RIF1: variants seen among roughly 807,000 people sequenced by gnomAD.
RIF1 encodes replication timing regulatory factor 1, also known as telomere-associated protein RIF1.
In RIF1, 45 loss-of-function variants were observed where a neutral mutation model predicts 247.1. The observed-to-expected ratio is 0.18, with a 90% CI of 0.14 to 0.23. RIF1 has a LOEUF of 0.23. RIF1 is among the 10% of genes least tolerant of loss of function. The pLI is 1.00. For synonymous variants in RIF1, 1,087 were observed against 978.8 expected (o/e 1.11, Z -2.06); for missense variants, 2,967 against 2,862.5 (o/e 1.04, Z -0.83).
the RIF1 span, among the ~76,000 whole-genome samples, chr2:151,515,542 G>C: frequency 2.6e-5 from 4 of 152,070 alleles, no homozygotes; most frequent in African/African-American, 9.7e-5. Flanking sequence ...TCACTGAATA[G>C]CTTAGGTGGG....
At chr2:151,510,607 T>C (rs1227807319), downstream of RIF1, among the ~76,000 whole-genome samples, 1 of 152,246 alleles carries the variant, frequency 6.6e-6, no homozygotes, top group Non-Finnish European at 1.5e-5. Context: ...ACCACATTCA[T>C]GTAACTATAT....
In RIF1 at chr2:151,458,878, A is replaced by G. The variant is rs1164619951; in HGVS notation, c.2923A>G (p.Met975Val). 1 of 1,612,666 alleles carries G rather than the reference A, an allele frequency of 6.2e-7. No homozygotes were observed. Among genetic ancestry groups the G allele is most frequent in the African/African-American group, 1.3e-5 (1 of 75,004 alleles). The change falls in exon 25 of 36, where the codon ATG (methionine) becomes GTG (valine). Residue 975 changes from methionine to valine, a missense_variant. Met to Val is a conservative substitution (Grantham distance 21). Around this residue, in one of 7 missense-constraint regions of RIF1, gnomAD observed 2,028 missense variants for 1,825.6 expected, o/e 1.11. Coordinates refer to ENST00000444746, the MANE Select transcript of RIF1 (RefSeq NM_018151.5). ...LLPGLETVEM[M>V]EESSGPYSDG... Reference sequence around the variant, plus strand: ...GCCTGGTTTGGAAACTGTTGAAATGATGGAGGAATCCAGTGGACCATATTC... The same window carrying G: ...GCCTGGTTTGGAAACTGTTGAAATGGTGGAGGAATCCAGTGGACCATATTC...
At chr2:151,524,416 C>T in the RIF1 span, 11 of 1,613,870 alleles carry the variant, frequency 6.8e-6, no homozygotes, top group Admixed American at 1.7e-5. Context: ...TGTACTCCAC[C>T]TGAATCAGAG....
At chr2:151,410,228 G>A (rs139201910) in intron 1 of RIF1, 186 bp from the exon 2 acceptor site, 4 of 632,020 alleles carry the variant, frequency 6.3e-6, no homozygotes, top group South Asian at 5.4e-5. Context: ...GGGCTCAGGT[G>A]TCTGGTGTCG....
chr2:151,438,837 T>C, intron 14 of RIF1, 91 bp downstream of exon 14: 1 of 756,804 alleles, frequency 1.3e-6, no homozygotes, highest in South Asian at 1.6e-5. Flanking sequence ...TTTGACTATA[T>C]AAAATTTATT....
intron 12 of RIF1, chr2:151,505,859 G>A (rs1227038895): frequency 3.8e-6 from 2 of 532,002 alleles, no homozygotes; most frequent in Non-Finnish European, 6.7e-6. Context: ...TGCCCAGCAG[G>A]TCGTTTGACT....
At chr2:151,438,630 G>C (rs1257455506) in intron 13 of RIF1, 54 bp from the exon 14 acceptor site, 2 of 1,092,422 alleles carry the variant, frequency 1.8e-6, no homozygotes, top group East Asian at 4.7e-5. Context: ...GTTAGTCATA[G>C]TACGTAGTCA....
chr2:151,507,998 A>AACTT (rs1195277924), exon 14 of RIF1: 2 of 1,594,662 alleles, frequency 1.3e-6, no homozygotes, highest in Admixed American at 1.7e-5. Flanking sequence ...ATTTAATAAA[A>AACTT]ACTTACAAGG....
the RIF1 span, among the ~76,000 whole-genome samples, chr2:151,527,811 A>G: frequency 7.9e-5 from 12 of 152,206 alleles, no homozygotes; most frequent in African/African-American, 2.9e-4. Context: ...AAATTTTTAA[A>G]GGCCTCCGGG....
At chr2:151,534,378 GTC>G in the RIF1 span, 1 of 1,461,466 alleles carries the variant, frequency 6.8e-7, no homozygotes, top group Non-Finnish European at 9.5e-7. Context: ...ACACAAAAAT[GTC>G]TCAAGGTAAA....
At chr2:151,512,856 T>A, downstream of RIF1, 1 of 1,536,852 alleles carries the variant, frequency 6.5e-7, no homozygotes, top group Non-Finnish European at 9.0e-7. Context: ...CAACACCGAA[T>A]AGTTGGGTAA....
chr2:151,458,570 A>G (rs1389999626), intron 24 of RIF1, among the ~76,000 whole-genome samples: 5 of 152,140 alleles, frequency 3.3e-5, no homozygotes, highest in Non-Finnish European at 5.9e-5. Flanking sequence ...ACTTTATATA[A>G]TATTCTACTT....
At chr2:151,426,557 A>G (rs982315355) in intron 8 of RIF1, among the ~76,000 whole-genome samples, 3 of 152,124 alleles carry the variant, frequency 2.0e-5, no homozygotes, top group Admixed American at 2.0e-4. Context: ...GAATCATGGT[A>G]GGGATTGTGA....
chr2:151,491,440 A>C (rs947549235), intron 9 of RIF1: 14 of 350,810 alleles, frequency 4.0e-5, no homozygotes, highest in African/African-American at 2.9e-4. Context: ...CTTTGGAAGA[A>C]AAATTAGAAA....
Position 151,456,607 on chromosome 2 carries a change from G to A in RIF1, c.2639G>A (p.Cys880Tyr). The A allele has an allele frequency of 6.6e-7, 1 of 1,516,550 alleles. No homozygotes were observed. Among genetic ancestry groups the A allele is most frequent in the Non-Finnish European group, 9.1e-7 (1 of 1,103,900 alleles). The allele number at this position is 1,516,550 out of a possible 1,614,324, so 93.9% of individuals were successfully genotyped here. Residue 880 changes from cysteine (C) to tyrosine (Y), a missense_variant, in exon 23 of 36, where the codon TGT (cysteine) becomes TAT (tyrosine). Transcript: ENST00000444746. The part of the protein sequence containing the change: ...KLDEVPKVYS[C>Y]LNNKLEKLLG... The stretch of plus-strand genomic sequence containing the variant: ...GATGAAGTTCCTAAAGTATATAGTT[G>A]TCTGAACAACAAGGTAAAAATAGAC...
At position 151,502,816 on chromosome 2, in the gene RIF1, G is replaced by A. The variant is rs201419564; in HGVS notation, c.*710-218G>A. 9.5e-5 allele frequency: 153 copies of A among 1,604,574 alleles called. No homozygotes were observed. The African/African-American group carries it at 9.6e-4, about 10-fold the overall frequency. The stretch of plus-strand genomic sequence containing the variant: ...ACCGAGCTAAAGTTCTCTTGATTGC[G>A]TTTGACTCTCTCCATCTCTGGAGTG... On this transcript the variant is annotated intron_variant and NMD_transcript_variant, in intron 11 of 13. Transcript: ENST00000454583.
rs764170985 is a variant in RIF1, at chr2:151,463,685, C to T, written c.4165C>T (p.Pro1389Ser). The change falls in exon 30 of 36, where the codon CCC (proline) becomes TCC (serine). Residue 1389 changes from proline (P) to serine (S), a missense_variant. By Grantham distance (74) the Pro-to-Ser change is moderately conservative (BLOSUM62 -1). This residue lies in a region of RIF1 where 2,028 missense variants were observed against 1,825.6 expected (regional missense o/e 1.11). Coordinates refer to ENST00000444746, the MANE Select transcript of RIF1 (RefSeq NM_018151.5). ...TAATTTGGAATCCAAAGAGAATACA[C>T]CCCCAGTAGTAATATCAGCAGATCA... is the stretch of plus-strand genomic sequence containing the variant. ...EINLESKENT[P>S]PVVISADQMV... 2 of 1,613,740 alleles carry T rather than the reference C, an allele frequency of 1.2e-6. No homozygotes were observed. The highest frequency in any genetic ancestry group is 1.7e-6 in the Non-Finnish European group (2 of 1,179,802).
downstream of RIF1, among the ~76,000 whole-genome samples, chr2:151,508,502 C>G (rs971322394): frequency 6.6e-6 from 1 of 152,148 alleles, no homozygotes; most frequent in African/African-American, 2.4e-5. Context: ...AACAGGCAGG[C>G]GGAGAGAAGC....
chr2:151,490,403 G>T lies in RIF1; in HGVS notation c.*416-4826G>T, dbSNP rs1433028646. The T allele has an allele frequency of 2.5e-6, 4 of 1,595,000 alleles. No homozygotes were observed. In the Admixed American group the frequency reaches 5.2e-5, roughly 21 times the overall value. ...AGACTGCAAAGACACCCCCGTCGCT[G>T]TAAGTCGAAAGGTGGTGGTCTGGTG... On this transcript the variant is annotated intron_variant and NMD_transcript_variant, in intron 9 of 13. Transcript: ENST00000454583.
Sources: gnomAD v4.1 joint callset for allele counts (sites outside exome capture counted in the v4.1 genomes callset) on GRCh38, gnomAD v4.1.1 for gene constraint, gnomAD v4.1.1 regional missense constraint, MANE v1.5 for transcripts, NCBI Gene and HGNC (gene_info 2026-07-23, HGNC 2026-07-21) for gene names.